Variants in SUPT3H observed in about 807,000 individuals in gnomAD.
The protein encoded by SUPT3H is SPT3 homolog, SAGA and STAGA complex component.
A neutral mutation model predicts 44.3 loss-of-function variants in SUPT3H; 44 were observed. The ratio of observed to expected loss-of-function variants is 0.99; its 90% CI spans 0.78 to 1.28. The LOEUF (loss-of-function observed/expected upper bound fraction) is 1.28, where lower values mean the gene tolerates loss of function less well. SUPT3H is among the 50% of genes most tolerant of loss of function. SUPT3H has a pLI of 0.00. For synonymous variants in SUPT3H, 124 were observed against 125.6 expected, an observed-to-expected ratio of 0.99 and a Z score of 0.09; for missense variants, 380 against 387.1, an observed-to-expected ratio of 0.98 and a Z score of 0.15.
chr6:45,182,433 T>G (rs1289189708), intron 2 of SUPT3H, among the ~76,000 whole-genome samples: 1 of 152,120 alleles, frequency 6.6e-6, no homozygotes, highest in Admixed American at 6.5e-5. Flanking sequence ...GGCTAATTTT[T>G]GCATTTTTAG....
At chr6:45,286,299 G>T (rs1017921281) in intron 2 of SUPT3H, among the ~76,000 whole-genome samples, 16 of 152,132 alleles carry the variant, frequency 1.1e-4, no homozygotes, top group Non-Finnish European at 2.2e-4. Context: ...TACCATCAGA[G>T]TGAACAGGCA....
At chr6:45,327,942 A>G (rs1786646083) in intron 2 of SUPT3H, among the ~76,000 whole-genome samples, 1 of 151,948 alleles carries the variant, frequency 6.6e-6, no homozygotes, top group South Asian at 2.1e-4. Context: ...CAGACACAAT[A>G]ATGAACTAAA....
intron 1 of SUPT3H, among the ~76,000 whole-genome samples, chr6:45,370,529 ATT>A (rs1161525588): frequency 6.6e-6 from 1 of 152,176 alleles, no homozygotes; most frequent in Non-Finnish European, 1.5e-5. Context: ...TGGTCACAAG[ATT>A]TTTGTTAAGG....
At chr6:45,047,213 T>C (rs1262553790) in intron 3 of SUPT3H, among the ~76,000 whole-genome samples, 2 of 152,204 alleles carry the variant, frequency 1.3e-5, no homozygotes, top group African/African-American at 2.4e-5. Context: ...CCTTATGCAA[T>C]GTGTAGGGCA....
At chr6:44,910,283 A>G (rs1434929033) in intron 10 of SUPT3H, among the ~76,000 whole-genome samples, 2 of 152,022 alleles carry the variant, frequency 1.3e-5, no homozygotes, top group African/African-American at 4.8e-5. Context: ...AGATCCTTAC[A>G]TGTCATGCCT....
rs1341733310 is a variant in SUPT3H, at chr6:45,285,482, T to G, written c.101+79719A>C. Among the ~76,000 whole-genome samples, 8 of 152,128 alleles carry G rather than the reference T, an allele frequency of 5.3e-5. No homozygotes were observed. The East Asian group carries it at 1.5e-3, about 29-fold the overall frequency. ...ACAGAGAGCCAAATCGTGAGTGAAC[T>G]CCCATTCACAATTGCTTCAAAGAGA... On this transcript the variant is annotated intron_variant, in intron 2 of 10. Transcript: ENST00000371459.
At chr6:44,944,223 A>C (rs1185383733) in intron 9 of SUPT3H, among the ~76,000 whole-genome samples, 3 of 152,158 alleles carry the variant, frequency 2.0e-5, no homozygotes, top group Non-Finnish European at 4.4e-5. Context: ...CTGAACATTT[A>C]AGGATGTACA....
intron 3 of SUPT3H, among the ~76,000 whole-genome samples, chr6:45,062,007 G>A (rs951572658): frequency 1.4e-5 from 2 of 145,778 alleles, no homozygotes; most frequent in African/African-American, 5.1e-5. Context: ...TAAAATTAGT[G>A]TTATTTAATA....
intron 3 of SUPT3H, among the ~76,000 whole-genome samples, chr6:45,101,196 C>G (rs1255133102): frequency 4.6e-5 from 7 of 152,210 alleles, no homozygotes; most frequent in Non-Finnish European, 7.3e-5. Context: ...GAGGCCAAGG[C>G]AGACAAATCA....
chr6:45,209,701 C>T (rs753031729), intron 2 of SUPT3H, among the ~76,000 whole-genome samples: 2 of 152,180 alleles, frequency 1.3e-5, no homozygotes, highest in African/African-American at 4.8e-5. Flanking sequence ...ATTCCATAAA[C>T]ATAGTTGCTA....
intron 2 of SUPT3H, among the ~76,000 whole-genome samples, chr6:45,273,100 T>G (rs898233396): frequency 2.0e-5 from 3 of 152,350 alleles, no homozygotes; most frequent in Admixed American, 2.0e-4. Context: ...GCAGCAACCT[T>G]GGCACCCATC....
chr6:45,121,125 A>T (rs1801598990), intron 2 of SUPT3H, among the ~76,000 whole-genome samples: 1 of 152,198 alleles, frequency 6.6e-6, no homozygotes, highest in Non-Finnish European at 1.5e-5. Context: ...GTTTCCAGAG[A>T]GTTTGATAAA....
Position 45,230,923 on chromosome 6 carries a change from G to A in SUPT3H, c.102-124917C>T, listed in dbSNP as rs190049034. Among the ~76,000 whole-genome samples, 201 of 151,698 alleles carry A rather than the reference G, an allele frequency of 1.3e-3. 1 individual carries two copies. The highest frequency in any genetic ancestry group is 3.2e-3 in the Admixed American group (48 of 15,226). Reference sequence around the variant, plus strand: ...CCTGACCTCATGATCTGCCTGCCTCGGCCTCCCAAAGTGCTGGGATTACAG... The same window carrying A: ...CCTGACCTCATGATCTGCCTGCCTCAGCCTCCCAAAGTGCTGGGATTACAG... On this transcript the variant is annotated intron_variant, in intron 2 of 10. Coordinates refer to ENST00000371459, the MANE Select transcript of SUPT3H (RefSeq NM_003599.4).
intron 6 of SUPT3H, among the ~76,000 whole-genome samples, chr6:44,981,463 T>TAAGTG: frequency 6.6e-6 from 1 of 152,350 alleles, no homozygotes; most frequent in South Asian, 2.1e-4. Flanking sequence ...CCCAATACAT[T>TAAGTG]CTGTATATCA....
chr6:45,063,888 G>C (rs1028188112), intron 3 of SUPT3H, among the ~76,000 whole-genome samples: 3 of 127,060 alleles, frequency 2.4e-5, no homozygotes, highest in African/African-American at 9.3e-5. Context: ...ACACTCTGCA[G>C]GATATTATCC....
chr6:45,291,944 G>A (rs1008226890), intron 2 of SUPT3H, among the ~76,000 whole-genome samples: 1 of 152,148 alleles, frequency 6.6e-6, no homozygotes, highest in African/African-American at 2.4e-5. Context: ...AGGAACACCT[G>A]CAAAATTCAT....
intron 2 of SUPT3H, among the ~76,000 whole-genome samples, chr6:45,340,741 A>G (rs1789614519): frequency 6.6e-6 from 1 of 152,176 alleles, no homozygotes; most frequent in Non-Finnish European, 1.5e-5. Flanking sequence ...ATATAAAAAT[A>G]TAATTTAGGG....
At chr6:44,928,210 C>G (rs1170818661) in intron 10 of SUPT3H, among the ~76,000 whole-genome samples, 2 of 152,108 alleles carry the variant, frequency 1.3e-5, no homozygotes, top group Non-Finnish European at 1.5e-5. Flanking sequence ...CACATATTAT[C>G]AACTACTATG....
At chr6:44,897,576 A>G (rs1268243763) in intron 10 of SUPT3H, among the ~76,000 whole-genome samples, 2 of 152,200 alleles carry the variant, frequency 1.3e-5, no homozygotes, top group African/African-American at 4.8e-5. Context: ...CATCATTTCA[A>G]GCAAAATCAT....
Sources: gnomAD v4.1 joint callset for allele counts (sites outside exome capture counted in the v4.1 genomes callset) on GRCh38, gnomAD v4.1.1 for gene constraint, MANE v1.5 for transcripts, NCBI Gene and HGNC (gene_info 2026-07-23, HGNC 2026-07-21) for gene names.